The following ZNF804A variants were observed in gnomAD, a reference collection of about 807,000 sequenced individuals.
ZNF804A encodes the protein zinc finger protein 804A.
ZNF804A carries 2 observed loss-of-function variants against 16.5 expected under a neutral mutation model. The ratio of observed to expected loss-of-function variants is 0.12; its 90% CI spans 0.05 to 0.38. The LOEUF is 0.38. ZNF804A is among the 10% of genes least tolerant of loss of function. The pLI, the probability that ZNF804A is intolerant of heterozygous loss-of-function variation, is 0.99. For missense variants in ZNF804A, 1,473 were observed against 1,390.7 expected (o/e 1.06, Z -0.94); for synonymous variants, 534 against 489.6 (o/e 1.09, Z -1.20).
At chr2:184,753,660 C>T (rs1252949753) in intron 1 of ZNF804A, among the ~76,000 whole-genome samples, 1 of 151,674 alleles carries the variant, frequency 6.6e-6, no homozygotes, top group South Asian at 2.1e-4. Context: ...CATGATAACT[C>T]AGCAATGTTA....
At chr2:184,753,665 A>G (rs534049090) in intron 1 of ZNF804A, among the ~76,000 whole-genome samples, 1 of 151,876 alleles carries the variant, frequency 6.6e-6, no homozygotes, top group South Asian at 2.1e-4. Flanking sequence ...TAACTCAGCA[A>G]TGTTAGCAAC....
intron 2 of ZNF804A, among the ~76,000 whole-genome samples, chr2:184,899,627 T>A (rs1685144264): frequency 6.6e-6 from 1 of 152,038 alleles, no homozygotes; most frequent in Non-Finnish European, 1.5e-5. Flanking sequence ...TTTAATCCTC[T>A]TATAATAGTC....
intron 2 of ZNF804A, among the ~76,000 whole-genome samples, chr2:184,877,738 A>AATTAT (rs1684730814): frequency 6.6e-6 from 1 of 152,080 alleles, no homozygotes; most frequent in Admixed American, 6.6e-5. Flanking sequence ...TTTGAGGCCA[A>AATTAT]GGTTGGAAAA....
intron 1 of ZNF804A, among the ~76,000 whole-genome samples, chr2:184,800,359 T>C (rs1321707985): frequency 6.6e-6 from 1 of 151,852 alleles, no homozygotes; most frequent in Non-Finnish European, 1.5e-5. Context: ...AATTGTTCTT[T>C]TTAATTACTT....
chr2:184,870,806 A>G (rs1025574212), intron 2 of ZNF804A, among the ~76,000 whole-genome samples: 9 of 152,036 alleles, frequency 5.9e-5, no homozygotes, highest in African/African-American at 2.2e-4. Context: ...AATATTACAT[A>G]TGAGGATGGT....
intron 1 of ZNF804A, among the ~76,000 whole-genome samples, chr2:184,666,614 T>G (rs989798259): frequency 2.0e-5 from 3 of 152,088 alleles, no homozygotes; most frequent in African/African-American, 7.2e-5. Flanking sequence ...GTGAATGTTT[T>G]CTTATGATCA....
At chr2:184,933,524 A>T in intron 2 of ZNF804A, 79 bp from the exon 3 acceptor site, 1 of 1,404,226 alleles carries the variant, frequency 7.1e-7, no homozygotes, top group South Asian at 1.4e-5. Context: ...GCATTGGAAA[A>T]TTTCAACAAT....
At chr2:184,677,854 TC>T (rs1196422744) in intron 1 of ZNF804A, among the ~76,000 whole-genome samples, 1 of 152,012 alleles carries the variant, frequency 6.6e-6, no homozygotes, top group Non-Finnish European at 1.5e-5. Flanking sequence ...ATAATTTTTA[TC>T]CTGTTTCTAT....
intron 1 of ZNF804A, among the ~76,000 whole-genome samples, chr2:184,812,283 G>C (rs1041439388): frequency 2.0e-5 from 3 of 152,196 alleles, no homozygotes; most frequent in Admixed American, 2.0e-4. Context: ...TGTCTGAGTT[G>C]GGATATTCTG....
chr2:184,713,104 C>T (rs9917319), intron 1 of ZNF804A, among the ~76,000 whole-genome samples: 1,992 of 151,782 alleles, frequency 0.013, 57 homozygotes, highest in African/African-American at 0.045. Flanking sequence ...TTTCCATTAG[C>T]GTCTGTATAT....
chr2:184,817,973 A>G (rs6720863), intron 1 of ZNF804A, among the ~76,000 whole-genome samples: 50,637 of 151,852 alleles, frequency 0.33, 11,808 homozygotes, highest in African/African-American at 0.66. Context: ...AACCAATTTG[A>G]AAAACATACT....
At chr2:184,898,216 C>A (rs1251330778) in intron 2 of ZNF804A, among the ~76,000 whole-genome samples, 3 of 152,024 alleles carry the variant, frequency 2.0e-5, no homozygotes, top group Non-Finnish European at 4.4e-5. Context: ...TTAGAAATTT[C>A]TTGTATGGGC....
rs1240783685 is a variant in ZNF804A at position 184,811,079 on chromosome 2, G to T, written c.112-55290G>T. Among the ~76,000 whole-genome samples, 76 of 152,152 alleles carry T rather than the reference G, an allele frequency of 5.0e-4. 1 individual carries two copies. Among genetic ancestry groups the T allele is most frequent in the Non-Finnish European group, 1.3e-4 (9 of 68,024 alleles). On this transcript the variant is annotated intron_variant, in intron 1 of 3. Coordinates refer to ENST00000302277, the MANE Select transcript of ZNF804A (RefSeq NM_194250.2). ...ATTTCTAAATGACAGGCACTGAGGT[G>T]TTACAAATTTGCAGTAAAAATCTGC...
chr2:184,704,315 A>G (rs1183192770), intron 1 of ZNF804A, among the ~76,000 whole-genome samples: 1 of 151,892 alleles, frequency 6.6e-6, no homozygotes, highest in Admixed American at 6.6e-5. Flanking sequence ...AACATGCCTG[A>G]CTAATTTTGT....
chr2:184,700,793 T>A (rs1692907315), intron 1 of ZNF804A, among the ~76,000 whole-genome samples: 1 of 151,998 alleles, frequency 6.6e-6, no homozygotes, highest in African/African-American at 2.4e-5. Flanking sequence ...ACTTGTAAAA[T>A]TTATAAACAG....
At position 184,911,761 on chromosome 2, in the gene ZNF804A, G is replaced by A. The variant is rs532758628; in HGVS notation, c.256-21842G>A. On this transcript the variant is annotated intron_variant, in intron 2 of 3. Transcript: ENST00000302277. ...GAATTATATTCTTGTTTTGCTCTCA[G>A]CTTGAATGTTTATTCCTGTATATGA... Among the ~76,000 whole-genome samples the A allele has an allele frequency of 3.3e-3, 497 of 151,962 alleles. 2 individuals are homozygous for A. The highest frequency in any genetic ancestry group is 0.011 in the African/African-American group (476 of 41,492).
chr2:184,846,996 C>G (rs1196581439), intron 1 of ZNF804A, among the ~76,000 whole-genome samples: 1 of 152,126 alleles, frequency 6.6e-6, no homozygotes, highest in African/African-American at 2.4e-5. Flanking sequence ...TAGTTTTTAT[C>G]AGCTAAATAA....
At position 184,646,870 on chromosome 2, in the gene ZNF804A, A is replaced by C. The variant is rs1269190851; in HGVS notation, c.111+47800A>C. 2.0e-5 allele frequency among the ~76,000 whole-genome samples: 3 copies of C among 152,166 alleles called. 1 individual carries two copies. Among genetic ancestry groups the C allele is most frequent in the Non-Finnish European group, 4.4e-5 (3 of 68,026 alleles). On this transcript the variant is annotated intron_variant, in intron 1 of 3. Transcript: ENST00000302277. The stretch of plus-strand genomic sequence containing the variant: ...CTGCCATCAGAGGACCTGTCGGCAG[A>C]TTTGCCTGATCCAGCTCTACTCATC...
At position 184,938,854 on chromosome 2, in the gene ZNF804A, C is replaced by T. The variant is rs373529779; in HGVS notation, c.3458C>T (p.Pro1153Leu). Reference protein sequence around the residue: ...LPQLSVGPVGPRLCPGNQPTF... With the variant: ...LPQLSVGPVGLRLCPGNQPTF... ...CAGCTCTCAGTAGGACCAGTAGGAC[C>T]GAGGCTTTGTCCTGGGAACCAGCCA... The change falls in exon 4 of 4, where the codon CCG (proline) becomes CTG (leucine). Residue 1153 changes from proline (P) to leucine (L), a missense_variant. By Grantham distance (98) the Pro-to-Leu change is moderately conservative (BLOSUM62 -3). Transcript: ENST00000302277. The T allele has an allele frequency of 8.1e-6, 13 of 1,613,868 alleles. No individual in the cohort carries two copies. In the South Asian group the frequency reaches 9.9e-5, roughly 12 times the overall value.
Sources: gnomAD v4.1 joint callset for allele counts (sites outside exome capture counted in the v4.1 genomes callset) on GRCh38, gnomAD v4.1.1 for gene constraint, MANE v1.5 for transcripts, NCBI Gene and HGNC (gene_info 2026-07-23, HGNC 2026-07-21) for gene names.